The following ZNF558 variants were observed in gnomAD, a reference collection of about 807,000 sequenced individuals.
ZNF558 encodes the protein zinc finger protein 558.
In ZNF558, 23 loss-of-function variants were observed where a neutral mutation model predicts 37.6. The ratio of observed to expected loss-of-function variants is 0.61; its 90% CI spans 0.44 to 0.87. The LOEUF is 0.87. Among genes scored for constraint, ZNF558 ranks in the 40% least tolerant of loss-of-function variants. ZNF558 has a pLI of 0.00. For synonymous variants in ZNF558, 189 were observed against 174.4 expected (o/e 1.08, Z -0.66); for missense variants, 429 against 483.7 (o/e 0.89, Z 1.06).
intron 2 of ZNF558, 63 bp from the exon 3 acceptor site, chr19:8,825,171 C>T (rs995565220): frequency 6.6e-6 from 1 of 152,218 alleles, no homozygotes; most frequent in African/African-American, 2.4e-5. Flanking sequence ...TTTCCTAGAA[C>T]CCACTTCTAG....
the ZNF558 span, among the ~76,000 whole-genome samples, chr19:8,837,924 G>A: frequency 6.6e-6 from 1 of 151,962 alleles, no homozygotes; most frequent in African/African-American, 2.4e-5. Context: ...TTATACACAG[G>A]AGACAGCAAG....
chr19:8,817,360 T>G (rs1257181435), intron 7 of ZNF558, among the ~76,000 whole-genome samples: 1 of 152,180 alleles, frequency 6.6e-6, no homozygotes, highest in Non-Finnish European at 1.5e-5. Context: ...TTTTTCACTT[T>G]CAGTACCATA....
chr19:8,819,342 G>T (rs2044024037), intron 7 of ZNF558, among the ~76,000 whole-genome samples: 1 of 152,022 alleles, frequency 6.6e-6, no homozygotes, highest in African/African-American at 2.4e-5. Flanking sequence ...CACCACGCCT[G>T]GCTAATTTTT....
intron 7 of ZNF558, 142 bp from the exon 8 acceptor site, chr19:8,813,364 T>C (rs569596185): frequency 1.5e-6 from 1 of 652,356 alleles, no homozygotes; most frequent in Admixed American, 2.8e-5. Flanking sequence ...CTTTTCTTTT[T>C]TTTATTTATT....
chr19:8,827,708 G>A (rs1404140925), intron 2 of ZNF558, among the ~76,000 whole-genome samples: 1 of 151,528 alleles, frequency 6.6e-6, no homozygotes, highest in Non-Finnish European at 1.5e-5. Flanking sequence ...CGAGCAGCTG[G>A]GACTACAGGT....
chr19:8,820,090 C>G (rs1007904684), intron 7 of ZNF558, among the ~76,000 whole-genome samples: 1 of 152,090 alleles, frequency 6.6e-6, no homozygotes, highest in East Asian at 1.9e-4. Context: ...AAAACAAGAA[C>G]GAGATAGCAC....
At chr19:8,837,660 A>T in the ZNF558 span, among the ~76,000 whole-genome samples, 1 of 152,204 alleles carries the variant, frequency 6.6e-6, no homozygotes, top group African/African-American at 2.4e-5. Context: ...CACTGGCCTC[A>T]TGGACAAGAC....
intron 2 of ZNF558, among the ~76,000 whole-genome samples, chr19:8,827,528 C>T (rs949877000): frequency 4.0e-5 from 6 of 150,314 alleles, no homozygotes; most frequent in Non-Finnish European, 4.4e-5. Context: ...TATGGTTCTG[C>T]CTCCCTCTTG....
chr19:8,833,672 A>G (rs962122557), upstream of ZNF558: 5 of 152,232 alleles, frequency 3.3e-5, no homozygotes, highest in African/African-American at 1.2e-4. Flanking sequence ...AATAGAATAC[A>G]TGGTGGGTTG....
upstream of ZNF558, among the ~76,000 whole-genome samples, chr19:8,835,808 TGTG>T (rs534913647): frequency 7.9e-5 from 12 of 152,372 alleles, no homozygotes; most frequent in South Asian, 2.3e-3. Flanking sequence ...ATAAATAAAA[TGTG>T]GTATATCCAC....
At chr19:8,827,611 T>C (rs1313068194) in intron 2 of ZNF558, among the ~76,000 whole-genome samples, 3 of 144,150 alleles carry the variant, frequency 2.1e-5, no homozygotes, top group Non-Finnish European at 4.5e-5. Context: ...GTCTCACTCT[T>C]ACACCCAGGC....
chr19:8,812,528 T>C (rs1302561160), intron 9 of ZNF558, 33 bp downstream of exon 9: 2 of 1,453,240 alleles, frequency 1.4e-6, no homozygotes, highest in Non-Finnish European at 1.8e-6. Context: ...TCTCCTACTG[T>C]AGAAAACCAG....
intron 7 of ZNF558, among the ~76,000 whole-genome samples, chr19:8,820,664 G>C (rs977952642): frequency 1.3e-5 from 2 of 152,082 alleles, no homozygotes; most frequent in African/African-American, 4.8e-5. Flanking sequence ...TTTTAGTGGA[G>C]ATGGGGTTTC....
chr19:8,829,776 A>G (rs904035372), intron 2 of ZNF558, among the ~76,000 whole-genome samples: 1 of 152,158 alleles, frequency 6.6e-6, no homozygotes, highest in African/African-American at 2.4e-5. Flanking sequence ...AATAATATCT[A>G]TTGCATGATA....
At chr19:8,816,807 ATAATT>A (rs990710307) in intron 7 of ZNF558, among the ~76,000 whole-genome samples, 3 of 152,250 alleles carry the variant, frequency 2.0e-5, no homozygotes, top group Admixed American at 6.5e-5. Flanking sequence ...TTATTACTAC[ATAATT>A]TAAAGACAAA....
chr19:8,826,590 G>C (rs529531108), intron 2 of ZNF558, among the ~76,000 whole-genome samples: 3 of 152,054 alleles, frequency 2.0e-5, no homozygotes, highest in South Asian at 2.1e-4. Flanking sequence ...GTGGTAATGC[G>C]AGCAATGAGG....
intron 1 of ZNF558, among the ~76,000 whole-genome samples, chr19:8,831,644 T>C (rs2044358853): frequency 6.6e-6 from 1 of 152,238 alleles, no homozygotes; most frequent in South Asian, 2.1e-4. Flanking sequence ...CTCAACTTAC[T>C]ACGCTGGAGA....
chr19:8,821,327 C>A (rs373954355), intron 6 of ZNF558, 21 bp from the exon 7 acceptor site: 1 of 1,614,160 alleles, frequency 6.2e-7, no homozygotes, highest in Non-Finnish European at 8.5e-7. Context: ...GCAAACATCA[C>A]GGCTTAGCCA....
intron 2 of ZNF558, among the ~76,000 whole-genome samples, chr19:8,830,234 C>T (rs569690849): frequency 2.6e-5 from 4 of 152,242 alleles, no homozygotes; most frequent in South Asian, 2.1e-4. Context: ...AGGCCTCCCC[C>T]GCCATGCAGA....
Sources: gnomAD v4.1 joint callset for allele counts (sites outside exome capture counted in the v4.1 genomes callset) on GRCh38, gnomAD v4.1.1 for gene constraint, MANE v1.5 for transcripts, NCBI Gene and HGNC (gene_info 2026-07-23, HGNC 2026-07-21) for gene names.